Variants in PYY observed in about 807,000 individuals in gnomAD.
PYY encodes the protein peptide YY.
In PYY, 12 loss-of-function variants were observed where a neutral mutation model predicts 10.3. The ratio of observed to expected loss-of-function variants is 1.17; its 90% confidence interval spans 0.75 to 1.89. The LOEUF is 1.89. Ranked by LOEUF, PYY falls within the 40% of genes most tolerant of loss-of-function variation. PYY has a pLI of 0.00. For synonymous variants in PYY, 66 were observed against 62.0 expected (o/e 1.06, Z -0.30); for missense variants, 141 against 134.0 (o/e 1.05, Z -0.26).
Position 43,953,392 on chromosome 17 carries a change from A to C in PYY, c.92T>G (p.Ile31Ser). The C allele has an allele frequency of 6.2e-7, 1 of 1,612,794 alleles. No homozygotes were observed. The highest frequency in any genetic ancestry group is 1.1e-5 in the South Asian group (1 of 90,936). The change falls in exon 2 of 4, where the codon ATC becomes AGC. Residue 31 changes from isoleucine to serine, a missense_variant. By Grantham distance (142) the Ile-to-Ser change is moderately radical. Coordinates refer to ENST00000692052, the MANE Select transcript of PYY (RefSeq NM_001394028.1). ...GTCTTCGCGGGGAGCCTCGGGTTTG[A>C]TGGGGTAGGCGTCGACCAGCGCCCC... is the stretch of plus-strand genomic sequence containing the variant. The part of the protein sequence containing the change: ...CLGALVDAYP[I>S]KPEAPREDAS...
At chr17:43,973,457 G>A (rs913674901) in intron 1 of PYY, among the ~76,000 whole-genome samples, 1 of 152,208 alleles carries the variant, frequency 6.6e-6, no homozygotes, top group Non-Finnish European at 1.5e-5. Context: ...TTCATCCAGC[G>A]CTGTTTTGGA....
chr17:43,953,353 T>G lies in PYY; in HGVS notation c.131A>C (p.Glu44Ala). Residue 44 changes from glutamate (E) to alanine (A), a missense_variant, in exon 2 of 4, where the codon GAG (glutamate) becomes GCG (alanine). By Grantham distance (107) the Glu-to-Ala change is moderately radical. Coordinates refer to ENST00000692052, the MANE Select transcript of PYY (RefSeq NM_001394028.1). ...EAPREDASPE[E>A]LNRYYASLRH... ...CAGGGAGGCGTAGTAGCGGTTCAGC[T>G]CCTCCGGCGAGGCGTCTTCGCGGGG... 1 of 1,612,352 alleles carries G rather than the reference T, an allele frequency of 6.2e-7. No individual in the cohort carries two copies.
At chr17:44,001,952 T>C (rs949361647) in intron 1 of PYY, among the ~76,000 whole-genome samples, 1 of 152,078 alleles carries the variant, frequency 6.6e-6, no homozygotes, top group Admixed American at 6.5e-5. Flanking sequence ...GGAAAACTAT[T>C]ATGCCCCTGG....
intron 1 of PYY, among the ~76,000 whole-genome samples, chr17:43,988,988 C>G (rs1465152306): frequency 6.6e-6 from 1 of 151,932 alleles, no homozygotes; most frequent in Non-Finnish European, 1.5e-5. Context: ...TCTTGAACTC[C>G]TGACCTCAAG....
At chr17:43,976,953 C>A (rs984459090) in intron 1 of PYY, among the ~76,000 whole-genome samples, 1 of 152,156 alleles carries the variant, frequency 6.6e-6, no homozygotes, top group African/African-American at 2.4e-5. Flanking sequence ...CGATACACAT[C>A]CCTTCTTCTT....
upstream of PYY, among the ~76,000 whole-genome samples, chr17:43,956,932 G>GA (rs397822600): frequency 8.3e-3 from 1 of 120 alleles, no homozygotes; most frequent in African/African-American, 0.042. Flanking sequence ...CAGGCGTGGT[G>GA]CTCACGCCTG....
intron 1 of PYY, among the ~76,000 whole-genome samples, chr17:44,000,921 T>C (rs1461105841): frequency 6.6e-6 from 1 of 152,104 alleles, no homozygotes; most frequent in Non-Finnish European, 1.5e-5. Context: ...TACACCTGTA[T>C]GGTGTACAGG....
intron 2 of PYY, among the ~76,000 whole-genome samples, chr17:43,960,316 G>A (rs984692676): frequency 2.0e-5 from 3 of 150,214 alleles, no homozygotes; most frequent in African/African-American, 7.4e-5. Flanking sequence ...GCCAAGGCGG[G>A]TGGGTCACCT....
intron 1 of PYY, among the ~76,000 whole-genome samples, chr17:43,971,484 C>T (rs995167918): frequency 2.0e-5 from 3 of 151,460 alleles, no homozygotes; most frequent in Non-Finnish European, 2.9e-5. Flanking sequence ...GCAAGAGAAT[C>T]ACTTGAACCT....
At chr17:43,967,637 T>C (rs950868593) in intron 1 of PYY, among the ~76,000 whole-genome samples, 12 of 152,136 alleles carry the variant, frequency 7.9e-5, no homozygotes, top group Non-Finnish European at 1.3e-4. Context: ...TAAAAAGCTA[T>C]TAGGTTCCAG....
At chr17:44,000,645 C>T (rs556104425) in intron 1 of PYY, among the ~76,000 whole-genome samples, 24 of 146,002 alleles carry the variant, frequency 1.6e-4, no homozygotes, top group South Asian at 6.7e-4. Flanking sequence ...TGGCTCACCG[C>T]GACCTCCACC....
chr17:44,003,670 C>CAAAAAAAAAAAAAA (rs34426332), intron 1 of PYY, among the ~76,000 whole-genome samples: 1 of 17,104 alleles, frequency 5.8e-5, no homozygotes, highest in African/African-American at 1.0e-4. Context: ...AACAAACAAA[C>CAAAAAAAAAAAAAA]AAAAAAAAAA....
At chr17:43,995,553 G>T (rs1315473757) in intron 1 of PYY, among the ~76,000 whole-genome samples, 1 of 152,206 alleles carries the variant, frequency 6.6e-6, no homozygotes, top group Non-Finnish European at 1.5e-5. Flanking sequence ...ATGCAGACGG[G>T]CCGGGCACGG....
chr17:43,988,748 C>A (rs1178377362), intron 1 of PYY, among the ~76,000 whole-genome samples: 1 of 138,958 alleles, frequency 7.2e-6, no homozygotes, highest in Non-Finnish European at 1.5e-5. Context: ...TTTTTTTTTT[C>A]TTTTTCTTCT....
chr17:43,982,386 T>C (rs1257281974), intron 1 of PYY, among the ~76,000 whole-genome samples: 1 of 152,202 alleles, frequency 6.6e-6, no homozygotes, highest in African/African-American at 2.4e-5. Flanking sequence ...CTGTGTGCAT[T>C]TTTGTAAGAG....
chr17:43,961,983 A>G (rs558396334), intron 2 of PYY, among the ~76,000 whole-genome samples: 1 of 151,676 alleles, frequency 6.6e-6, no homozygotes, highest in African/African-American at 2.4e-5. Context: ...CTGTCACCCT[A>G]CCTCACGCAT....
chr17:43,953,312 G>T lies in PYY; in HGVS notation c.172C>A (p.Leu58Met), dbSNP rs773556866. The change falls in exon 2 of 4, where the codon CTG becomes ATG. Residue 58 changes from leucine (L) to methionine (M), a missense_variant. Leu to Met is a conservative substitution (Grantham distance 15). Transcript: ENST00000692052. ...TGCGCTCACCGCTGCCGGGTGACCA[G>T]GTTGAGGTAGTGGCGCAGGGAGGCG... ...YYASLRHYLN[L>M]VTRQRYGKRD... is the part of the protein sequence containing the mutation. The T allele has an allele frequency of 1.2e-5, 19 of 1,612,780 alleles. No individual in the cohort carries two copies. The African/African-American group carries it at 2.4e-4, about 20-fold the overall frequency.
chr17:43,976,276 T>C (rs1189303103), intron 1 of PYY, among the ~76,000 whole-genome samples: 1 of 146,252 alleles, frequency 6.8e-6, no homozygotes, highest in Non-Finnish European at 1.5e-5. Flanking sequence ...CATGTACGTA[T>C]ATATACGCAT....
intron 2 of PYY, among the ~76,000 whole-genome samples, chr17:43,960,257 G>A (rs1347747510): frequency 6.6e-6 from 1 of 152,096 alleles, no homozygotes; most frequent in Non-Finnish European, 1.5e-5. Flanking sequence ...GTTTAAGAAT[G>A]TTTGGCCGGG....
Sources: allele counts gnomAD v4.1 joint callset (sites outside exome capture counted in the v4.1 genomes callset), GRCh38; gene constraint gnomAD v4.1.1; transcripts MANE v1.5; gene names NCBI Gene and HGNC (gene_info 2026-07-23, HGNC 2026-07-21).